The following PRPSAP2 variants were observed in gnomAD, a reference collection of about 807,000 sequenced individuals.
PRPSAP2 encodes phosphoribosyl pyrophosphate synthase-associated protein 2.
PRPSAP2 carries 24 observed loss-of-function variants against 40.6 expected under a neutral mutation model. The ratio of observed to expected loss-of-function variants is 0.59; its 90% CI spans 0.43 to 0.83. The LOEUF is 0.83. PRPSAP2 is among the 40% of genes least tolerant of loss of function. The pLI, the probability that PRPSAP2 is intolerant of heterozygous loss-of-function variation, is 0.00. For missense variants in PRPSAP2, 292 were observed against 465.6 expected (o/e 0.63, Z 3.43); for synonymous variants, 149 against 164.7 (o/e 0.90, Z 0.73).
rs373802700 is a variant in PRPSAP2 at position 18,911,191 on chromosome 17, C to T, written c.673C>T (p.Arg225Trp). 2 of 1,613,922 alleles carry T rather than the reference C, an allele frequency of 1.2e-6. No homozygotes were observed. The highest frequency in any genetic ancestry group is 1.7e-6 in the Non-Finnish European group (2 of 1,179,872). Residue 225 changes from arginine (R) to tryptophan (W), a missense_variant, in exon 9 of 12, where the codon CGG (arginine) becomes TGG (tryptophan). Physicochemically the swap from Arg to Trp is moderately radical, Grantham distance 101. Transcript: ENST00000268835. The surrounding 1 kb of genome is among the most constrained non-coding windows in gnomAD (Gnocchi z 4.5). ...TGCCGAGTCGGACTTGGTGGATGGA[C>T]GGCATTCCCCACCCATGGTCAGAAG... ...QDAESDLVDG[R>W]HSPPMVRSVA...
intron 9 of PRPSAP2, chr17:18,917,491 A>G (rs1244457012): frequency 6.9e-6 from 1 of 144,856 alleles, no homozygotes; most frequent in Non-Finnish European, 1.5e-5. Context: ...GGTTCAGGCG[A>G]TTCTCCTGGG....
intron 11 of PRPSAP2, among the ~76,000 whole-genome samples, 165 bp downstream of exon 11, chr17:18,929,122 C>T (rs534392806): frequency 9.9e-4 from 150 of 152,006 alleles, no homozygotes; most frequent in African/African-American, 3.5e-3. Flanking sequence ...TTTGGGAGGC[C>T]GAGGCAGGTG....
At chr17:18,862,420 A>C (rs2037092092) in intron 1 of PRPSAP2, among the ~76,000 whole-genome samples, 4 of 151,530 alleles carry the variant, frequency 2.6e-5, no homozygotes, top group African/African-American at 9.7e-5. Context: ...GCTGTACTTT[A>C]AGGAGCTTCT....
At chr17:18,891,422 G>GT (rs1356707440) in intron 8 of PRPSAP2, among the ~76,000 whole-genome samples, 2 of 152,178 alleles carry the variant, frequency 1.3e-5, no homozygotes, top group African/African-American at 4.8e-5. Flanking sequence ...TCAAGAAGTT[G>GT]TATCACCTGA....
At chr17:18,925,432 G>C (rs1488506043) in intron 10 of PRPSAP2, among the ~76,000 whole-genome samples, 1 of 152,162 alleles carries the variant, frequency 6.6e-6, no homozygotes, top group African/African-American at 2.4e-5. Flanking sequence ...TCTTGTCTTT[G>C]ATGTTTATGT....
At chr17:18,907,935 A>G (rs1345825983) in intron 8 of PRPSAP2, among the ~76,000 whole-genome samples, 2 of 152,154 alleles carry the variant, frequency 1.3e-5, no homozygotes, top group African/African-American at 4.8e-5. Flanking sequence ...TCAGGAGTTC[A>G]AGACCAGCCT....
At chr17:18,916,529 G>A (rs1031508653) in intron 9 of PRPSAP2, among the ~76,000 whole-genome samples, 5 of 151,770 alleles carry the variant, frequency 3.3e-5, no homozygotes, top group South Asian at 2.1e-4. Flanking sequence ...TTACAGGCGC[G>A]CACCACCACG....
chr17:18,924,249 AG>A (rs1405355709), intron 10 of PRPSAP2, among the ~76,000 whole-genome samples: 23 of 152,142 alleles, frequency 1.5e-4, no homozygotes, highest in Non-Finnish European at 3.4e-4. Flanking sequence ...CATGTTGGCC[AG>A]GCTGGTCTCA....
At chr17:18,900,273 C>T (rs9901087) in intron 8 of PRPSAP2, among the ~76,000 whole-genome samples, 2,699 of 152,318 alleles carry the variant, frequency 0.018, 68 homozygotes, top group African/African-American at 0.054. Flanking sequence ...CTGCCTGCCT[C>T]GGCCTCCCAA....
intron 8 of PRPSAP2, 39 bp downstream of exon 8, chr17:18,889,916 C>G (rs1182316239): frequency 6.4e-7 from 1 of 1,573,312 alleles, no homozygotes; most frequent in Non-Finnish European, 8.7e-7. Flanking sequence ...GGATCTACTT[C>G]TAAGGATTGT....
intron 6 of PRPSAP2, among the ~76,000 whole-genome samples, chr17:18,878,186 G>A (rs2038441164): frequency 6.6e-6 from 1 of 152,190 alleles, no homozygotes; most frequent in Non-Finnish European, 1.5e-5. Flanking sequence ...AGGGTGCTGA[G>A]ATTATAGTCA....
At chr17:18,861,090 A>G (rs971614605) in intron 1 of PRPSAP2, among the ~76,000 whole-genome samples, 3 of 152,220 alleles carry the variant, frequency 2.0e-5, no homozygotes, top group Non-Finnish European at 4.4e-5. Context: ...TTTTGAGGAT[A>G]GTCTTTATAA....
chr17:18,887,118 T>C (rs1245989284), intron 7 of PRPSAP2, among the ~76,000 whole-genome samples: 1 of 151,714 alleles, frequency 6.6e-6, no homozygotes, highest in Non-Finnish European at 1.5e-5. Flanking sequence ...GTATTTTTAG[T>C]AGAAAGGGGG....
chr17:18,929,837 T>A (rs2042166747), intron 11 of PRPSAP2: 1 of 152,204 alleles, frequency 6.6e-6, no homozygotes, highest in Non-Finnish European at 1.5e-5. Flanking sequence ...AGTTTTTGTG[T>A]GGACATGTGT....
Position 18,872,512 on chromosome 17 carries a change from G to C in PRPSAP2, c.173-71G>C. ...TTCTATTACATTAGGGAATAATACA[G>C]ATTTTTTTGTGTATTTTGAAAAATT... On this transcript the variant is annotated intron_variant, in intron 4 of 11. Transcript: ENST00000268835. 3.4e-6 allele frequency: 4 copies of C among 1,189,620 alleles called. No homozygotes were observed. In the Admixed American group the frequency reaches 7.5e-5, roughly 22 times the overall value. The allele number at this position is 1,189,620 out of a possible 1,614,324, so 73.7% of individuals were successfully genotyped here.
At chr17:18,897,331 C>G (rs1327999731) in intron 8 of PRPSAP2, among the ~76,000 whole-genome samples, 1 of 152,122 alleles carries the variant, frequency 6.6e-6, no homozygotes, top group Admixed American at 6.6e-5. Context: ...TGTTGGTTAA[C>G]TTCCACAGTT....
chr17:18,930,141 G>A (rs934281647), intron 11 of PRPSAP2, among the ~76,000 whole-genome samples: 19 of 152,186 alleles, frequency 1.2e-4, no homozygotes, highest in Non-Finnish European at 1.2e-4. Context: ...GGGAGGCCGA[G>A]GCCGGTGGAT....
chr17:18,868,226 C>T (rs2037570377), intron 4 of PRPSAP2, among the ~76,000 whole-genome samples: 2 of 152,112 alleles, frequency 1.3e-5, no homozygotes, highest in Admixed American at 1.3e-4. Flanking sequence ...GTAATCCCAG[C>T]ACTTTGGGAG....
chr17:18,862,829 T>A (rs2037130048), intron 1 of PRPSAP2, among the ~76,000 whole-genome samples: 2 of 148,468 alleles, frequency 1.3e-5, no homozygotes, highest in South Asian at 2.2e-4. Flanking sequence ...ATTTATTTAT[T>A]TATTTTTCTG....
Sources: allele counts gnomAD v4.1 joint callset (sites outside exome capture counted in the v4.1 genomes callset), GRCh38; gene constraint gnomAD v4.1.1; non-coding constraint Gnocchi (gnomAD v3.1); transcripts MANE v1.5; gene names NCBI Gene and HGNC (gene_info 2026-07-23, HGNC 2026-07-21).